Variants in STXBP4 observed in about 807,000 individuals in gnomAD.
STXBP4 encodes the protein syntaxin binding protein 4.
In STXBP4, 55 loss-of-function variants were observed where a neutral mutation model predicts 76.1. The observed-to-expected ratio is 0.72, with a 90% CI of 0.58 to 0.91. The LOEUF is 0.91. STXBP4 is among the 40% of genes least tolerant of loss of function. The pLI is 0.00. For missense variants in STXBP4, 618 were observed against 636.9 expected (o/e 0.97, Z 0.32); for synonymous variants, 201 against 220.2 (o/e 0.91, Z 0.77).
chr17:54,997,587 T>TC (rs1226950158), intron 4 of STXBP4, among the ~76,000 whole-genome samples: 16 of 140,718 alleles, frequency 1.1e-4, no homozygotes, highest in African/African-American at 4.1e-4. Context: ...AATATATATA[T>TC]ATTTTATATA....
chr17:54,992,259 A>T (rs924401413), intron 4 of STXBP4, among the ~76,000 whole-genome samples: 5 of 146,066 alleles, frequency 3.4e-5, no homozygotes, highest in Admixed American at 1.4e-4. Context: ...ATTAAAAATT[A>T]AAAAAAAAAT....
intron 16 of STXBP4, among the ~76,000 whole-genome samples, chr17:55,092,933 T>C: frequency 6.6e-6 from 1 of 152,168 alleles, no homozygotes. Flanking sequence ...ATATATTTAT[T>C]AAGAAGCATG....
chr17:54,972,558 C>T (rs1037331071), intron 1 of STXBP4, among the ~76,000 whole-genome samples: 1 of 152,090 alleles, frequency 6.6e-6, no homozygotes, highest in Admixed American at 6.6e-5. Flanking sequence ...AATAGAAGCC[C>T]CTTTATGACA....
At chr17:55,114,649 A>G (rs1764612144) in intron 16 of STXBP4, among the ~76,000 whole-genome samples, 1 of 152,022 alleles carries the variant, frequency 6.6e-6, no homozygotes, top group African/African-American at 2.4e-5. Context: ...AAGGCTTAAC[A>G]TTTAAGTATC....
chr17:55,030,742 A>G lies in STXBP4; in HGVS notation c.667-426A>G, dbSNP rs143022754. 1.4e-4 allele frequency: 21 copies of G among 153,280 alleles called. No individual in the cohort carries two copies. The East Asian group carries it at 4.0e-3, about 29-fold the overall frequency. 9.5% of individuals were successfully genotyped at this position (153,280 alleles called of 1,614,324 possible). ...CTGCCCCTAACAAGCCAAAAATTAG[A>G]AGATTTTATGTTGAACCTAATTCCT... On this transcript the variant is annotated intron_variant, in intron 8 of 17. Coordinates refer to ENST00000376352, the MANE Select transcript of STXBP4 (RefSeq NM_178509.6).
chr17:55,092,070 ACAT>A (rs1336115886), intron 16 of STXBP4, among the ~76,000 whole-genome samples: 2 of 152,236 alleles, frequency 1.3e-5, no homozygotes, highest in Admixed American at 1.3e-4. Flanking sequence ...GGAAAGCCAA[ACAT>A]CATTATCTTT....
downstream of STXBP4, among the ~76,000 whole-genome samples, chr17:55,173,993 C>T (rs899338023): frequency 2.0e-5 from 3 of 152,208 alleles, no homozygotes; most frequent in Non-Finnish European, 4.4e-5. Flanking sequence ...TCTAACCCTT[C>T]TCTCATCCTC....
chr17:55,211,739 T>C, the STXBP4 span, among the ~76,000 whole-genome samples: 4 of 151,412 alleles, frequency 2.6e-5, no homozygotes, highest in Non-Finnish European at 5.9e-5. Flanking sequence ...TTTAATGTCC[T>C]ACTGAAATCA....
intron 17 of STXBP4, among the ~76,000 whole-genome samples, chr17:55,150,209 A>G (rs965289190): frequency 3.3e-5 from 5 of 152,202 alleles, no homozygotes; most frequent in Non-Finnish European, 7.3e-5. Context: ...ACCACCACAG[A>G]CATGGCTTAA....
Position 55,159,809 on chromosome 17 carries a change from G to C in STXBP4, c.1560G>C (p.Gln520His). 6.2e-7 allele frequency: 1 copy of C among 1,610,444 alleles called. No individual in the cohort carries two copies. The highest frequency in any genetic ancestry group is 8.5e-7 in the Non-Finnish European group (1 of 1,176,904). The change falls in exon 18 of 18, where the codon CAG (glutamine) becomes CAC (histidine). Residue 520 changes from glutamine to histidine, a missense_variant. By Grantham distance (24) the Gln-to-His change is conservative. Coordinates refer to ENST00000376352, the MANE Select transcript of STXBP4 (RefSeq NM_178509.6). ...GIKYFINHVT[Q>H]TTSWIHPVMS... ...TGTTCTTCTCAAGTCATGTAACACA[G>C]ACTACATCCTGGATCCATCCCGTGA... is the stretch of plus-strand genomic sequence containing the variant.
chr17:55,179,437 T>C, the STXBP4 span, among the ~76,000 whole-genome samples: 106 of 152,284 alleles, frequency 7.0e-4, no homozygotes, highest in African/African-American at 2.1e-3. Context: ...AAGCACATCC[T>C]TGGGCTGCAG....
chr17:55,014,328 A>G (rs1445250049), intron 8 of STXBP4, among the ~76,000 whole-genome samples: 3 of 152,128 alleles, frequency 2.0e-5, no homozygotes, highest in Admixed American at 6.5e-5. Flanking sequence ...TCCTATGTTC[A>G]GGTGTGTAAT....
chr17:55,012,898 T>G (rs904134613), intron 8 of STXBP4, among the ~76,000 whole-genome samples: 2 of 152,232 alleles, frequency 1.3e-5, no homozygotes, highest in African/African-American at 4.8e-5. Context: ...GACAGTTATA[T>G]TCTATCTTCA....
At chr17:55,108,114 T>C (rs2079658500) in intron 16 of STXBP4, among the ~76,000 whole-genome samples, 1 of 152,214 alleles carries the variant, frequency 6.6e-6, no homozygotes, top group Non-Finnish European at 1.5e-5. Flanking sequence ...AGAGATGCCC[T>C]GCCCAGAGAG....
chr17:55,017,437 C>T (rs1273753047), intron 8 of STXBP4, among the ~76,000 whole-genome samples: 4 of 152,172 alleles, frequency 2.6e-5, no homozygotes, highest in Admixed American at 1.3e-4. Flanking sequence ...AAGGACGCAG[C>T]AGCGTAGAGC....
At chr17:54,981,941 C>T (rs1477862414) in intron 1 of STXBP4, among the ~76,000 whole-genome samples, 1 of 152,106 alleles carries the variant, frequency 6.6e-6, no homozygotes, top group African/African-American at 2.4e-5. Flanking sequence ...AACTCTTCTG[C>T]CTCACTCCAA....
intron 10 of STXBP4, among the ~76,000 whole-genome samples, chr17:55,042,778 T>G (rs1215459599): frequency 6.6e-6 from 1 of 152,146 alleles, no homozygotes; most frequent in Non-Finnish European, 1.5e-5. Flanking sequence ...ACATTTCATT[T>G]AGTTAAAACC....
At chr17:55,195,641 G>T in the STXBP4 span, among the ~76,000 whole-genome samples, 109,539 of 152,018 alleles carry the variant, frequency 0.72, 40,661 homozygotes, top group Non-Finnish European at 0.82. Context: ...TAGGAATTTT[G>T]CCCAGGCTGG....
intron 16 of STXBP4, among the ~76,000 whole-genome samples, chr17:55,084,815 G>A (rs1415290886): frequency 6.6e-6 from 1 of 152,034 alleles, no homozygotes; most frequent in African/African-American, 2.4e-5. Context: ...TATTTCTGAG[G>A]GCTCTGTTCT....
Sources: gnomAD v4.1 joint callset for allele counts (sites outside exome capture counted in the v4.1 genomes callset) on GRCh38, gnomAD v4.1.1 for gene constraint, MANE v1.5 for transcripts, NCBI Gene and HGNC (gene_info 2026-07-23, HGNC 2026-07-21) for gene names.